Variants in HECW2 observed in about 807,000 individuals in gnomAD.
HECW2 encodes HECT, C2 and WW domain containing E3 ubiquitin protein ligase 2.
Under a neutral mutation model 175.2 loss-of-function variants are expected in HECW2, and 61 were observed. The observed-to-expected ratio is 0.35, with a 90% CI of 0.28 to 0.43. The LOEUF is 0.43. HECW2 is among the 20% of genes least tolerant of loss of function. The pLI is 1.00. For synonymous variants in HECW2, 671 were observed against 731.0 expected (o/e 0.92, Z 1.32); for missense variants, 1,524 against 2,000.5 (o/e 0.76, Z 4.54).
chr2:196,575,531 T>C (rs181084774), intron 1 of HECW2, among the ~76,000 whole-genome samples: 1 of 152,066 alleles, frequency 6.6e-6, no homozygotes, highest in Non-Finnish European at 1.5e-5. Flanking sequence ...AGTACATGAA[T>C]GAATAAAGAA....
chr2:196,293,758 C>T (rs11886511), intron 13 of HECW2, among the ~76,000 whole-genome samples: 9,916 of 152,196 alleles, frequency 0.065, 1,070 homozygotes, highest in African/African-American at 0.22. Context: ...AGTTTCTCCC[C>T]CAGTATTGGA....
chr2:196,520,290 A>T (rs569851506), intron 1 of HECW2, among the ~76,000 whole-genome samples: 1 of 150,908 alleles, frequency 6.6e-6, no homozygotes, highest in East Asian at 1.9e-4. Context: ...AGATCCAGTG[A>T]GCATGGTAGA....
chr2:196,537,243 T>G (rs762846734), intron 1 of HECW2, among the ~76,000 whole-genome samples: 3 of 151,896 alleles, frequency 2.0e-5, no homozygotes, highest in Non-Finnish European at 4.4e-5. Flanking sequence ...AACAGAAAAC[T>G]GACAAAGCGA....
intron 1 of HECW2, among the ~76,000 whole-genome samples, chr2:196,569,533 T>C (rs1690308824): frequency 6.6e-6 from 1 of 152,166 alleles, no homozygotes; most frequent in Admixed American, 6.5e-5. Flanking sequence ...AACCTTAATT[T>C]TGTCATATTA....
intron 2 of HECW2, among the ~76,000 whole-genome samples, chr2:196,404,922 T>G (rs1303139947): frequency 7.0e-6 from 1 of 143,502 alleles, no homozygotes; most frequent in Non-Finnish European, 1.5e-5. Context: ...CCTCCCAGGT[T>G]CACGCCATTC....
chr2:196,407,376 G>A (rs1694992744), intron 2 of HECW2, among the ~76,000 whole-genome samples: 1 of 151,730 alleles, frequency 6.6e-6, no homozygotes, highest in South Asian at 2.1e-4. Context: ...CTTCCACCAT[G>A]GAAGGGTGAA....
Position 196,426,409 on chromosome 2 carries a change from T to C in HECW2, c.292+6723A>G, listed in dbSNP as rs573918591. On this transcript the variant is annotated intron_variant, in intron 2 of 28. Transcript: ENST00000644978. ...TTTCTCCAAATGTCACCAACACTTG[T>C]TATCTTTTGTCTTTTTGATAACAGC... Among the ~76,000 whole-genome samples, 14 of 152,310 alleles carry C rather than the reference T, an allele frequency of 9.2e-5. No individual in the cohort carries two copies. The South Asian group carries it at 2.7e-3, about 29-fold the overall frequency.
At chr2:196,387,833 T>G (rs1198590834) in intron 2 of HECW2, among the ~76,000 whole-genome samples, 1 of 152,164 alleles carries the variant, frequency 6.6e-6, no homozygotes, top group Non-Finnish European at 1.5e-5. Flanking sequence ...ATTACAGCAT[T>G]TGTCTTCCAT....
At position 196,227,206 on chromosome 2, in the gene HECW2, C is replaced by T. The variant is rs192572128; in HGVS notation, c.3917+896G>A. Among the ~76,000 whole-genome samples the T allele has an allele frequency of 1.0e-3, 156 of 152,316 alleles. 1 individual carries two copies. Among genetic ancestry groups the T allele is most frequent in the East Asian group, 3.9e-4 (2 of 5,188 alleles). On this transcript the variant is annotated intron_variant, in intron 22 of 28. Transcript: ENST00000644978. ...TTGAAGAGTAAGTCCTAAAAGATAACGCCCTCCACCCAACAATATTAATCT... is the reference window on the plus strand; with the variant it reads ...TTGAAGAGTAAGTCCTAAAAGATAATGCCCTCCACCCAACAATATTAATCT...
At position 196,569,371 on chromosome 2, in the gene HECW2, C is replaced by CTAAACTAAAA. The variant is rs375827600; in HGVS notation, c.-36+24136_-36+24137insTTTTAGTTTA. The stretch of plus-strand genomic sequence containing the variant: ...CTAAACTAAACTAAACTAAACTAAA[C>CTAAACTAAAA]TAAAATAAAATAAAATAGGCTTTGT... On this transcript the variant is annotated intron_variant, in intron 1 of 28. Coordinates refer to ENST00000644978, the MANE Select transcript of HECW2 (RefSeq NM_001348768.2). Among the ~76,000 whole-genome samples the CTAAACTAAAA allele has an allele frequency of 7.3e-3, 1,050 of 144,268 alleles. 16 individuals carry two copies. The highest frequency in any genetic ancestry group is 0.026 in the African/African-American group (924 of 34,996). The allele number at this position is 144,268 out of a possible 152,430, so 94.6% of individuals were successfully genotyped here.
At chr2:196,413,216 T>C (rs186743206) in intron 2 of HECW2, among the ~76,000 whole-genome samples, 2 of 152,244 alleles carry the variant, frequency 1.3e-5, no homozygotes, top group African/African-American at 2.4e-5. Context: ...TAGCCAGGCA[T>C]GGTGGTGTAC....
chr2:196,231,051 G>A (rs903715602), intron 21 of HECW2, among the ~76,000 whole-genome samples: 1 of 117,610 alleles, frequency 8.5e-6, no homozygotes, highest in African/African-American at 3.3e-5. Flanking sequence ...TGCAGATGGC[G>A]CCTCTGCACT....
intron 2 of HECW2, among the ~76,000 whole-genome samples, chr2:196,382,081 A>G (rs1232749703): frequency 1.3e-5 from 2 of 152,152 alleles, no homozygotes; most frequent in East Asian, 1.9e-4. Context: ...TGAACAATAT[A>G]TAAGTGAAAC....
Position 196,222,261 on chromosome 2 carries a change from G to C in HECW2, c.4096C>G (p.His1366Asp). ...SLQWMKDNDIHDILDLTFTVN... is the reference protein window; with the variant it reads ...SLQWMKDNDIDDILDLTFTVN... Reference sequence around the variant, plus strand: ...GTGAACGTGAGGTCTAGGATGTCATGGATATCATTGTCTTTCATCCACTGC... The same window carrying C: ...GTGAACGTGAGGTCTAGGATGTCATCGATATCATTGTCTTTCATCCACTGC... The change falls in exon 24 of 29, where the codon CAT becomes GAT. Residue 1366 changes from histidine (H) to aspartate (D), a missense_variant. His to Asp is a moderately conservative substitution (Grantham distance 81). Around this residue, in one of 11 missense-constraint regions of HECW2, gnomAD observed 134 missense variants for 287.8 expected, o/e 0.47. Transcript: ENST00000644978. The C allele has an allele frequency of 6.2e-7, 1 of 1,613,768 alleles. No individual in the cohort carries two copies. Among genetic ancestry groups the C allele is most frequent in the Non-Finnish European group, 8.5e-7 (1 of 1,179,806 alleles).
chr2:196,278,771 A>C, intron 14 of HECW2, 109 bp from the exon 15 acceptor site: 1 of 1,233,418 alleles, frequency 8.1e-7, no homozygotes, highest in Non-Finnish European at 1.2e-6. Flanking sequence ...TCTTAGCTCT[A>C]TTTTCTCATA....
chr2:196,589,324 T>C (rs534579800), intron 1 of HECW2, among the ~76,000 whole-genome samples: 8 of 152,190 alleles, frequency 5.3e-5, no homozygotes, highest in African/African-American at 1.7e-4. Context: ...CTGGCCAACA[T>C]AGTAAGTGAG....
intron 1 of HECW2, among the ~76,000 whole-genome samples, chr2:196,534,426 G>C (rs757948644): frequency 5.3e-5 from 8 of 152,176 alleles, no homozygotes; most frequent in Non-Finnish European, 1.0e-4. Context: ...AATTCAGTGA[G>C]TGTGAAATAC....
At chr2:196,268,637 T>C (rs1457053639) in intron 17 of HECW2, among the ~76,000 whole-genome samples, 3 of 152,196 alleles carry the variant, frequency 2.0e-5, no homozygotes, top group Non-Finnish European at 4.4e-5. Context: ...GATATGTTAA[T>C]TCGTATTACA....
chr2:196,452,271 GT>G (rs911983020), intron 1 of HECW2, among the ~76,000 whole-genome samples: 1 of 152,116 alleles, frequency 6.6e-6, no homozygotes, highest in Non-Finnish European at 1.5e-5. Context: ...TTGATCATAA[GT>G]TTTTACAAGA....
Sources: gnomAD v4.1 joint callset for allele counts (sites outside exome capture counted in the v4.1 genomes callset) on GRCh38, gnomAD v4.1.1 for gene constraint, gnomAD v4.1.1 regional missense constraint, MANE v1.5 for transcripts, NCBI Gene and HGNC (gene_info 2026-07-23, HGNC 2026-07-21) for gene names.